TAF4B: variants seen among roughly 807,000 people sequenced by gnomAD.
TAF4B encodes transcription initiation factor TFIID subunit 4B.
A neutral mutation model predicts 86.4 loss-of-function variants in TAF4B; 38 were observed. The ratio of observed to expected loss-of-function variants is 0.44; its 90% CI spans 0.34 to 0.58. The LOEUF (loss-of-function observed/expected upper bound fraction) is 0.58. Ranked by LOEUF, TAF4B falls within the 20% of genes least tolerant of loss-of-function variation. TAF4B has a pLI of 0.02. For missense variants in TAF4B, 988 were observed against 1,027.6 expected (o/e 0.96, Z 0.53); for synonymous variants, 388 against 391.2 (o/e 0.99, Z 0.10).
chr18:26,297,125 C>T (rs2056673458), intron 9 of TAF4B, among the ~76,000 whole-genome samples: 1 of 141,546 alleles, frequency 7.1e-6, no homozygotes, highest in Non-Finnish European at 1.5e-5. Context: ...CAGAGTGAGA[C>T]TGTCTCATTA....
At chr18:26,315,495 T>C in intron 10 of TAF4B, 97 bp downstream of exon 10, 1 of 817,884 alleles carries the variant, frequency 1.2e-6, no homozygotes, top group Non-Finnish European at 1.8e-6. Context: ...CCTGGAACTC[T>C]GAGGCTTAAA....
At chr18:26,347,374 A>G (rs1158733868) in intron 13 of TAF4B, among the ~76,000 whole-genome samples, 1 of 152,170 alleles carries the variant, frequency 6.6e-6, no homozygotes, top group African/African-American at 2.4e-5. Context: ...AAAAATGACA[A>G]CCACCATCAT....
intron 10 of TAF4B, 74 bp downstream of exon 10, chr18:26,315,472 C>CAACCCAGGTTGTCTCTT: frequency 8.0e-7 from 1 of 1,247,926 alleles, no homozygotes; most frequent in Non-Finnish European, 1.1e-6. Context: ...AAGAGACAAC[C>CAACCCAGGTTGTCTCTT]TGGGTTGGTT....
At chr18:26,337,670 G>A (rs958935990) in intron 13 of TAF4B, among the ~76,000 whole-genome samples, 6 of 152,048 alleles carry the variant, frequency 3.9e-5, no homozygotes, top group African/African-American at 1.4e-4. Flanking sequence ...TGATCTACCC[G>A]CTTCAGCCTC....
At chr18:26,309,133 G>T (rs938792144) in intron 9 of TAF4B, among the ~76,000 whole-genome samples, 3 of 150,588 alleles carry the variant, frequency 2.0e-5, no homozygotes, top group Non-Finnish European at 4.4e-5. Flanking sequence ...ACATATTTCT[G>T]ATGTTCATTA....
Position 26,227,083 on chromosome 18 carries a change from C to A in TAF4B, c.150C>A (p.Val50=). 6.2e-7 allele frequency: 1 copy of A among 1,607,906 alleles called. No individual in the cohort carries two copies. The highest frequency in any genetic ancestry group is 1.1e-5 in the South Asian group (1 of 90,706). The change falls in exon 1 of 15, where the codon GTC becomes GTA. Residue 50 remains valine, a synonymous_variant. Transcript: ENST00000269142. ...TGGGCGCCGTGACTAAGGCTCCTGT[C>A]AGCGTCTGCGTGGAGCCCACGGCGT... is the stretch of plus-strand genomic sequence containing the variant. ...VALGAVTKAP[V]SVCVEPTASQ...
At chr18:26,249,718 CTTTA>C (rs1243814481) in intron 1 of TAF4B, among the ~76,000 whole-genome samples, 9 of 152,130 alleles carry the variant, frequency 5.9e-5, no homozygotes, top group Admixed American at 2.0e-4. Flanking sequence ...GAACTCAACA[CTTTA>C]TTTATTTTTT....
intron 3 of TAF4B, among the ~76,000 whole-genome samples, chr18:26,272,799 C>T (rs940901090): frequency 6.6e-6 from 1 of 152,068 alleles, no homozygotes; most frequent in Non-Finnish European, 1.5e-5. Context: ...AAAATCTCCA[C>T]AAGAATTCAG....
chr18:26,335,123 A>C, intron 12 of TAF4B, 52 bp from the exon 13 acceptor site: 3 of 1,252,594 alleles, frequency 2.4e-6, no homozygotes, highest in Non-Finnish European at 2.3e-6. Context: ...AATGGCAACT[A>C]TGGTGTTCAG....
intron 1 of TAF4B, among the ~76,000 whole-genome samples, chr18:26,235,099 A>G (rs12960926): frequency 6.6e-6 from 1 of 152,168 alleles, no homozygotes; most frequent in African/African-American, 2.4e-5. Context: ...TCTGTGGCGT[A>G]TAAAGAGAAG....
chr18:26,259,889 C>T (rs1345916817), intron 1 of TAF4B, among the ~76,000 whole-genome samples: 2 of 152,212 alleles, frequency 1.3e-5, no homozygotes, highest in African/African-American at 4.8e-5. Flanking sequence ...AATTAGTTTA[C>T]ATTCCCACCA....
At chr18:26,280,479 TA>T (rs746186711) in intron 5 of TAF4B, among the ~76,000 whole-genome samples, 67 of 151,768 alleles carry the variant, frequency 4.4e-4, no homozygotes, top group Non-Finnish European at 9.3e-4. Flanking sequence ...AAAACCCCAT[TA>T]AAAAATAGGT....
In TAF4B at chr18:26,256,399, C is replaced by T. The variant is rs145197331; in HGVS notation, c.344-8771C>T. On this transcript the variant is annotated intron_variant, in intron 1 of 14. Transcript: ENST00000269142. ...AAGTCTTCCAAAAGCAGCCGTTCCACGCGCAATAACGTCCCCGAGGTGCAG... is the reference window on the plus strand; with the variant it reads ...AAGTCTTCCAAAAGCAGCCGTTCCATGCGCAATAACGTCCCCGAGGTGCAG... 5.9e-4 allele frequency: 656 copies of T among 1,103,198 alleles called. 1 individual carries two copies. In the African/African-American group the frequency reaches 7.1e-3, roughly 12 times the overall value. The allele number at this position is 1,103,198 out of a possible 1,614,324, so 68.3% of individuals were successfully genotyped here. A position where few individuals can be genotyped will look rare whatever the true frequency, so the allele number is the denominator to read the frequency against.
intron 1 of TAF4B, among the ~76,000 whole-genome samples, chr18:26,258,252 C>CAAAA (rs560676496): frequency 2.7e-5 from 3 of 112,766 alleles, no homozygotes; most frequent in Non-Finnish European, 3.9e-5. Context: ...GACTCCATCT[C>CAAAA]AAAAAAAAAA....
At chr18:26,289,776 T>A (rs1289092032) in intron 7 of TAF4B, among the ~76,000 whole-genome samples, 4 of 152,220 alleles carry the variant, frequency 2.6e-5, no homozygotes, top group Admixed American at 1.3e-4. Flanking sequence ...GAAAGAACAT[T>A]AATGAATTCT....
intron 13 of TAF4B, among the ~76,000 whole-genome samples, chr18:26,347,171 C>T (rs1307560172): frequency 4.0e-5 from 6 of 151,496 alleles, no homozygotes; most frequent in East Asian, 2.0e-4. Flanking sequence ...CCGTCCGCCT[C>T]GGCCTCCCAA....
chr18:26,390,143 AACTT>A lies in TAF4B; in HGVS notation c.*132_*135del, dbSNP rs1978619925. On this transcript the variant is annotated 3_prime_UTR_variant, in exon 15 of 15. Coordinates refer to ENST00000269142, the MANE Select transcript of TAF4B (RefSeq NM_005640.3). ...TGAAAGAGCATTGTTTACAGTTAGA[AACTT>A]TATTAACTCTTACCTATCCATCTCA... The A allele has an allele frequency of 1.1e-6, 1 of 891,176 alleles. No homozygotes were observed. Among genetic ancestry groups the A allele is most frequent in the Non-Finnish European group, 1.7e-6 (1 of 593,728 alleles). The allele number at this position is 891,176 out of a possible 1,614,324, so 55.2% of individuals were successfully genotyped here.
chr18:26,303,060 C>A (rs1456034386), intron 9 of TAF4B, among the ~76,000 whole-genome samples: 1 of 103,186 alleles, frequency 9.7e-6, no homozygotes, highest in African/African-American at 3.5e-5. Context: ...ACTTTCATAC[C>A]CGCTCCACTT....
chr18:26,305,916 G>T (rs1196918386), intron 9 of TAF4B, among the ~76,000 whole-genome samples: 3 of 152,162 alleles, frequency 2.0e-5, no homozygotes, highest in Admixed American at 1.3e-4. Flanking sequence ...TTGGCTTAAA[G>T]AATTTTCTTT....
Sources: allele counts gnomAD v4.1 joint callset (sites outside exome capture counted in the v4.1 genomes callset), GRCh38; gene constraint gnomAD v4.1.1; transcripts MANE v1.5; gene names NCBI Gene and HGNC (gene_info 2026-07-23, HGNC 2026-07-21).